ST6GALNAC5: variants seen among roughly 807,000 people sequenced by gnomAD.
ST6GALNAC5 encodes the protein alpha-N-acetylgalactosaminide alpha-2,6-sialyltransferase 5.
Under a neutral mutation model 33.6 loss-of-function variants are expected in ST6GALNAC5, and 27 were observed. That is an observed-to-expected ratio of 0.80 (90% CI 0.59 to 1.11). The LOEUF is 1.11. Among genes scored for constraint, ST6GALNAC5 ranks in the 50% least tolerant of loss-of-function variants. The pLI is 0.00. For missense variants in ST6GALNAC5, 428 were observed against 454.0 expected, an observed-to-expected ratio of 0.94 and a Z score of 0.52; for synonymous variants, 194 against 171.2, an observed-to-expected ratio of 1.13 and a Z score of -1.04.
At chr1:76,880,652 CAGCTTTGCTGGA>C (rs1653758995) in intron 2 of ST6GALNAC5, among the ~76,000 whole-genome samples, 1 of 152,156 alleles carries the variant, frequency 6.6e-6, no homozygotes, top group African/African-American at 2.4e-5. Flanking sequence ...CCGGTCTTGC[CAGCTTTGCTGGA>C]AGCTGATTAG....
chr1:76,951,683 G>A (rs1487682694), intron 2 of ST6GALNAC5, among the ~76,000 whole-genome samples: 1 of 152,034 alleles, frequency 6.6e-6, no homozygotes. Context: ...ATTTAAAAAG[G>A]TGTGTGTTTA....
At chr1:76,938,195 A>G (rs1374292390) in intron 2 of ST6GALNAC5, among the ~76,000 whole-genome samples, 1 of 152,044 alleles carries the variant, frequency 6.6e-6, no homozygotes, top group Non-Finnish European at 1.5e-5. Context: ...TTTGGTAAGA[A>G]AAGTTTTTGC....
intron 2 of ST6GALNAC5, among the ~76,000 whole-genome samples, chr1:76,951,766 T>C (rs1213725016): frequency 2.0e-5 from 3 of 152,184 alleles, no homozygotes; most frequent in Non-Finnish European, 4.4e-5. Flanking sequence ...TATTCTTTGT[T>C]CTAAATTCCA....
At chr1:77,061,047 T>A (rs796761007) in intron 4 of ST6GALNAC5, among the ~76,000 whole-genome samples, 2 of 152,178 alleles carry the variant, frequency 1.3e-5, no homozygotes, top group South Asian at 4.1e-4. Flanking sequence ...TTAGAAGGCA[T>A]TTTTTGTGTT....
chr1:77,047,004 A>G (rs1359895525), intron 3 of ST6GALNAC5, among the ~76,000 whole-genome samples: 1 of 152,198 alleles, frequency 6.6e-6, no homozygotes, highest in East Asian at 1.9e-4. Context: ...ATACTGGCCA[A>G]TGAGAAGCTT....
intron 2 of ST6GALNAC5, among the ~76,000 whole-genome samples, chr1:77,015,672 G>T (rs764237130): frequency 4.2e-4 from 64 of 152,070 alleles, no homozygotes; most frequent in Non-Finnish European, 6.3e-4. Context: ...TTCAGAGGAG[G>T]GGCACCTGCC....
intron 2 of ST6GALNAC5, among the ~76,000 whole-genome samples, chr1:76,951,793 T>G (rs1196104021): frequency 1.3e-5 from 2 of 152,142 alleles, no homozygotes; most frequent in Non-Finnish European, 2.9e-5. Context: ...CAATCGTTTC[T>G]TTAAGAATGT....
At chr1:76,907,805 A>G (rs1230424335) in intron 2 of ST6GALNAC5, among the ~76,000 whole-genome samples, 1 of 152,132 alleles carries the variant, frequency 6.6e-6, no homozygotes, top group Non-Finnish European at 1.5e-5. Context: ...CAGCAAGTGT[A>G]TTGTAGCTAC....
At position 76,887,196 on chromosome 1, in the gene ST6GALNAC5, C is replaced by T. The variant is rs189331789; in HGVS notation, c.261+18454C>T. On this transcript the variant is annotated intron_variant, in intron 2 of 4. Coordinates refer to ENST00000477717, the MANE Select transcript of ST6GALNAC5 (RefSeq NM_030965.3). ...AAGGGAGAAAAGAAGCTATTAATTGCCCTAATTGTATTTCTTTGTTTAAAA... is the reference window on the plus strand; with the variant it reads ...AAGGGAGAAAAGAAGCTATTAATTGTCCTAATTGTATTTCTTTGTTTAAAA... 1.2e-3 allele frequency among the ~76,000 whole-genome samples: 189 copies of T among 152,104 alleles called. 2 individuals carry two copies. The highest frequency in any genetic ancestry group is 4.5e-3 in the African/African-American group (187 of 41,474).
chr1:77,004,861 A>C (rs1432126906), intron 2 of ST6GALNAC5, among the ~76,000 whole-genome samples: 1 of 135,192 alleles, frequency 7.4e-6, no homozygotes, highest in African/African-American at 2.5e-5. Context: ...TCAGATCTCC[A>C]GCTGCGTGCT....
chr1:77,001,541 T>C (rs1477773773), intron 2 of ST6GALNAC5, among the ~76,000 whole-genome samples: 2 of 147,068 alleles, frequency 1.4e-5, no homozygotes, highest in African/African-American at 2.5e-5. Context: ...TGAATAGGAG[T>C]GGTGAGAGAG....
At chr1:76,998,042 G>A (rs1056507721) in intron 2 of ST6GALNAC5, among the ~76,000 whole-genome samples, 11 of 152,120 alleles carry the variant, frequency 7.2e-5, no homozygotes, top group Non-Finnish European at 1.5e-4. Context: ...GCTGCCCTGC[G>A]AAGAGGTGCT....
chr1:76,886,367 T>C (rs1653895426), intron 2 of ST6GALNAC5, among the ~76,000 whole-genome samples: 1 of 152,194 alleles, frequency 6.6e-6, no homozygotes, highest in African/African-American at 2.4e-5. Context: ...TTCAAGTATA[T>C]GGTATTATAT....
At chr1:76,971,253 G>C (rs1365870527) in intron 2 of ST6GALNAC5, among the ~76,000 whole-genome samples, 1 of 152,172 alleles carries the variant, frequency 6.6e-6, no homozygotes, top group Non-Finnish European at 1.5e-5. Context: ...GATGCGTCGT[G>C]ATGTCTTATT....
chr1:76,962,795 A>AT (rs1486662940), intron 2 of ST6GALNAC5, among the ~76,000 whole-genome samples: 3 of 152,248 alleles, frequency 2.0e-5, no homozygotes, highest in South Asian at 2.1e-4. Flanking sequence ...TTTTAATCAG[A>AT]TTTTTTCATA....
At chr1:76,888,476 A>T (rs1338347282) in intron 2 of ST6GALNAC5, among the ~76,000 whole-genome samples, 4 of 152,174 alleles carry the variant, frequency 2.6e-5, no homozygotes, top group African/African-American at 9.6e-5. Context: ...TTTTAATTTG[A>T]AATTATAATC....
At chr1:76,890,821 AT>A (rs1028243208) in intron 2 of ST6GALNAC5, among the ~76,000 whole-genome samples, 7 of 152,048 alleles carry the variant, frequency 4.6e-5, no homozygotes, top group African/African-American at 7.2e-5. Context: ...AGAATTTAAG[AT>A]TTTTTTCATA....
chr1:77,032,781 A>G (rs1651506149), intron 2 of ST6GALNAC5, among the ~76,000 whole-genome samples: 1 of 152,084 alleles, frequency 6.6e-6, no homozygotes, highest in African/African-American at 2.4e-5. Context: ...GTTGACTGAA[A>G]CCTCAGATTT....
intron 2 of ST6GALNAC5, among the ~76,000 whole-genome samples, chr1:76,925,606 G>A (rs17099713): frequency 0.037 from 5,585 of 152,050 alleles, 358 homozygotes; most frequent in African/African-American, 0.13. Flanking sequence ...TTGATACTTC[G>A]TGAAGAGAAG....
Sources: allele counts gnomAD v4.1 joint callset (sites outside exome capture counted in the v4.1 genomes callset), GRCh38; gene constraint gnomAD v4.1.1; transcripts MANE v1.5; gene names NCBI Gene and HGNC (gene_info 2026-07-23, HGNC 2026-07-21).